Variants in VPS13A observed in about 807,000 individuals in gnomAD.
VPS13A encodes vacuolar protein sorting 13 homolog A, also known as intermembrane lipid transfer protein VPS13A.
Under a neutral mutation model 390.9 loss-of-function variants are expected in VPS13A, and 264 were observed. That is an observed-to-expected ratio of 0.68 (90% CI 0.61 to 0.75). VPS13A has a LOEUF of 0.75. Among genes scored for constraint, VPS13A ranks in the 30% least tolerant of loss-of-function variants. The pLI is 0.00. For synonymous variants in VPS13A, 1,231 were observed against 1,227.1 expected (o/e 1.00, Z -0.07); for missense variants, 3,409 against 3,733.9 (o/e 0.91, Z 2.27).
chr9:77,213,008 A>G lies in VPS13A; in HGVS notation c.595A>G (p.Thr199Ala). 2 of 1,613,966 alleles carry G rather than the reference A, an allele frequency of 1.2e-6. No homozygotes were observed. Among genetic ancestry groups the G allele is most frequent in the Non-Finnish European group, 1.7e-6 (2 of 1,179,970 alleles). Residue 199 changes from threonine to alanine, a missense_variant, in exon 8 of 72, where the codon ACT (threonine) becomes GCT (alanine). Transcript: ENST00000360280. ...QYWVPCLHDE[T>A]EKLVRKLIRL... ...CTGGGTTCCATGTTTACATGATGAA[A>G]CTGAGAAACTGGTTCGTAAGGTAAA...
intron 31 of VPS13A, among the ~76,000 whole-genome samples, chr9:77,289,891 C>T (rs934360244): frequency 5.3e-5 from 8 of 151,436 alleles, no homozygotes; most frequent in Admixed American, 5.3e-4. Flanking sequence ...AGTGATTCTT[C>T]TGCCTCAGCC....
At chr9:77,367,834 C>G (rs953832573) in intron 61 of VPS13A, among the ~76,000 whole-genome samples, 5 of 152,114 alleles carry the variant, frequency 3.3e-5, no homozygotes, top group African/African-American at 1.2e-4. Flanking sequence ...GGTGACTTGT[C>G]TGAAGATAAG....
intron 45 of VPS13A, among the ~76,000 whole-genome samples, 181 bp from the exon 46 acceptor site, chr9:77,331,829 A>G (rs1270636174): frequency 1.3e-5 from 2 of 152,012 alleles, no homozygotes; most frequent in African/African-American, 4.8e-5. Context: ...ATAAAACTAT[A>G]GAGATTTTTC....
intron 59 of VPS13A, among the ~76,000 whole-genome samples, chr9:77,361,233 C>T (rs1018949066): frequency 6.6e-6 from 1 of 152,086 alleles, no homozygotes; most frequent in Admixed American, 6.6e-5. Context: ...AATTCCGGAA[C>T]ATTTTCATCA....
chr9:77,366,118 A>G (rs1291184881), intron 60 of VPS13A, among the ~76,000 whole-genome samples: 1 of 152,148 alleles, frequency 6.6e-6, no homozygotes, highest in Non-Finnish European at 1.5e-5. Context: ...ACAGAGTTAC[A>G]TCTCAGTAAA....
intron 10 of VPS13A, 33 bp from the exon 11 acceptor site, chr9:77,219,921 C>T: frequency 6.2e-7 from 1 of 1,608,946 alleles, no homozygotes; most frequent in Non-Finnish European, 8.5e-7. Context: ...GGAAATATAA[C>T]TCAGTTTTTT....
intron 33 of VPS13A, among the ~76,000 whole-genome samples, chr9:77,302,318 G>C (rs889011029): frequency 6.8e-6 from 1 of 147,556 alleles, no homozygotes; most frequent in African/African-American, 2.5e-5. Context: ...ATATACTTTT[G>C]CACTTTTTAC....
intron 46 of VPS13A, among the ~76,000 whole-genome samples, 199 bp from the exon 47 acceptor site, chr9:77,337,056 C>T (rs1015710536): frequency 1.3e-5 from 2 of 151,964 alleles, no homozygotes; most frequent in African/African-American, 4.8e-5. Flanking sequence ...CTCGGCCTCC[C>T]AAAGTGCTGG....
chr9:77,180,978 AG>A (rs1232839962), intron 1 of VPS13A, among the ~76,000 whole-genome samples: 2 of 151,870 alleles, frequency 1.3e-5, no homozygotes, highest in Non-Finnish European at 2.9e-5. Flanking sequence ...TGAGCATAGG[AG>A]TTTGAGATTA....
intron 23 of VPS13A, among the ~76,000 whole-genome samples, chr9:77,265,876 TTTAA>T (rs1217804803): frequency 6.6e-6 from 1 of 152,160 alleles, no homozygotes; most frequent in African/African-American, 2.4e-5. Context: ...TCTCTGGTTC[TTTAA>T]TTGTGATGTT....
chr9:77,224,293 T>G (rs941199150), intron 13 of VPS13A, among the ~76,000 whole-genome samples: 5 of 152,180 alleles, frequency 3.3e-5, no homozygotes, highest in African/African-American at 1.2e-4. Flanking sequence ...CAAGTCTTAT[T>G]ATTTAAGAAG....
chr9:77,277,013 G>GGGCA (rs1017056631), intron 26 of VPS13A, among the ~76,000 whole-genome samples: 42 of 152,252 alleles, frequency 2.8e-4, no homozygotes, highest in African/African-American at 9.6e-4. Context: ...TGGGGGCAGA[G>GGGCA]GGCAGTATTC....
rs78046172 is a variant in VPS13A, at chr9:77,282,264, T to C, written c.3108T>C (p.Ile1036=). The C allele has an allele frequency of 9.1e-3, 14,730 of 1,610,694 alleles. 189 individuals carry two copies. Among genetic ancestry groups the C allele is most frequent in the African/African-American group, 0.063 (4,717 of 74,768 alleles). The change falls in exon 29 of 72, where the codon ATT becomes ATC. Residue 1036 remains isoleucine, a synonymous_variant. Coordinates refer to ENST00000360280, the MANE Select transcript of VPS13A (RefSeq NM_033305.3). The part of the protein sequence containing the change: ...TTETEDKGDV[I]KKLALKLSTN... ...AGACTGAAGACAAAGGAGATGTCAT[T>C]AAAAAATTAGGTATGTTTTTTAAAA...
intron 3 of VPS13A, 74 bp from the exon 4 acceptor site, chr9:77,205,239 A>AT (rs1406234408): frequency 9.9e-6 from 8 of 808,900 alleles, no homozygotes; most frequent in Non-Finnish European, 1.3e-5. Flanking sequence ...GCCTGACAGA[A>AT]AATAGACTAA....
intron 4 of VPS13A, among the ~76,000 whole-genome samples, chr9:77,205,665 C>T (rs1034332789): frequency 6.6e-6 from 1 of 151,892 alleles, no homozygotes; most frequent in African/African-American, 2.4e-5. Context: ...CATCTCAGCT[C>T]ACTGCAACCT....
chr9:77,318,821 T>C, intron 41 of VPS13A, among the ~76,000 whole-genome samples: 1 of 152,210 alleles, frequency 6.6e-6, no homozygotes, highest in Non-Finnish European at 1.5e-5. Flanking sequence ...ATTAAGTTTA[T>C]ATTTCAACTG....
intron 31 of VPS13A, among the ~76,000 whole-genome samples, chr9:77,290,913 G>C (rs1220762116): frequency 6.6e-6 from 1 of 152,102 alleles, no homozygotes; most frequent in Non-Finnish European, 1.5e-5. Flanking sequence ...CAACATTGAT[G>C]TTATAGATGA....
chr9:77,230,305 T>G (rs1190288100), intron 17 of VPS13A, among the ~76,000 whole-genome samples: 1 of 152,086 alleles, frequency 6.6e-6, no homozygotes, highest in Non-Finnish European at 1.5e-5. Context: ...CTTTGCCTAC[T>G]CCAGTGGTAC....
Position 77,314,137 on chromosome 9 carries a change from A to T in VPS13A, c.4242+18A>T, listed in dbSNP as rs762305818. The T allele has an allele frequency of 5.6e-6, 9 of 1,612,336 alleles. No individual in the cohort carries two copies. In the East Asian group the frequency reaches 1.8e-4, roughly 32 times the overall value. On this transcript the variant is annotated intron_variant, in intron 36 of 71. Transcript: ENST00000360280. ...CTAAACAGGTAAGTCCAGGAAGAAA[A>T]GAAAATGTATTTTCACATGTGAAAT...
Sources: gnomAD v4.1 joint callset for allele counts (sites outside exome capture counted in the v4.1 genomes callset) on GRCh38, gnomAD v4.1.1 for gene constraint, MANE v1.5 for transcripts, NCBI Gene and HGNC (gene_info 2026-07-23, HGNC 2026-07-21) for gene names.